COMT: variants seen among roughly 807,000 people sequenced by gnomAD.
COMT encodes the protein catechol-O-methyltransferase.
A neutral mutation model predicts 18.9 loss-of-function variants in COMT; 13 were observed. That is an observed-to-expected ratio of 0.69 (90% confidence interval 0.45 to 1.09). The LOEUF (loss-of-function observed/expected upper bound fraction) is 1.09. Ranked by LOEUF, COMT falls within the 50% of genes least tolerant of loss-of-function variation. The pLI, the probability that COMT is intolerant of heterozygous loss-of-function variation, is 0.00. For synonymous variants in COMT, 150 were observed against 160.9 expected (o/e 0.93, Z 0.51); for missense variants, 329 against 361.8 (o/e 0.91, Z 0.73).
intron 1 of COMT, among the ~76,000 whole-genome samples, chr22:19,953,786 C>T (rs1035257085): frequency 6.6e-6 from 1 of 152,214 alleles, no homozygotes; most frequent in South Asian, 2.1e-4. Context: ...AGCCAGCCTC[C>T]ACTCTTGCCC....
rs201715907 is a variant in COMT, at chr22:19,952,656, C to CAA, written c.-91-8542_-91-8541dup. 1.9e-3 allele frequency among the ~76,000 whole-genome samples: 253 copies of CAA among 132,074 alleles called. 1 individual carries two copies. The highest frequency in any genetic ancestry group is 3.4e-3 in the Admixed American group (43 of 12,748). 86.6% of individuals were successfully genotyped at this position (132,074 alleles called of 152,430 possible). A position where few individuals can be genotyped will look rare whatever the true frequency, so the allele number is the denominator to read the frequency against. ...TCCGTCTCAAAACAAAACAAAACAACAACAAAAAAAAAACAGCCGAGCGCA... is the reference window on the plus strand; with the variant it reads ...TCCGTCTCAAAACAAAACAAAACAACAAAACAAAAAAAAAACAGCCGAGCGCA... On this transcript the variant is annotated intron_variant, in intron 1 of 5. Coordinates refer to ENST00000361682, the MANE Select transcript of COMT (RefSeq NM_000754.4).
At chr22:19,945,965 G>A (rs909553042) in intron 1 of COMT, among the ~76,000 whole-genome samples, 3 of 151,746 alleles carry the variant, frequency 2.0e-5, no homozygotes, top group Non-Finnish European at 2.9e-5. Flanking sequence ...GTGCCCAGCC[G>A]GGGAAAGGTT....
intron 1 of COMT, among the ~76,000 whole-genome samples, chr22:19,959,480 C>T (rs1483005923): frequency 6.6e-6 from 1 of 152,062 alleles, no homozygotes; most frequent in East Asian, 1.9e-4. Context: ...GCCTCCCCTT[C>T]TGGGGCCTCC....
chr22:19,964,579 C>T, intron 5 of COMT: 1 of 622,920 alleles, frequency 1.6e-6, no homozygotes, highest in Non-Finnish European at 2.9e-6. Flanking sequence ...AAGTGGGGTG[C>T]ACACCCCAGA....
intron 1 of COMT, among the ~76,000 whole-genome samples, chr22:19,944,858 G>A (rs1222449092): frequency 1.3e-5 from 2 of 151,988 alleles, no homozygotes; most frequent in African/African-American, 4.8e-5. Flanking sequence ...ACCTACAAAA[G>A]ACAGTGAACT....
intron 5 of COMT, chr22:19,967,021 A>G: frequency 8.3e-7 from 1 of 1,200,112 alleles, no homozygotes; most frequent in Admixed American, 3.6e-5. Context: ...GGAGGCTTGC[A>G]GTGTCGGGCG....
At chr22:19,941,937 T>G in intron 1 of COMT, 40 bp downstream of exon 1, 1 of 935,890 alleles carries the variant, frequency 1.1e-6, no homozygotes, top group Non-Finnish European at 1.4e-6. Context: ...TGCGGCCGGA[T>G]TCGGGGCGGG....
rs192231081 is a variant in COMT at position 19,954,323 on chromosome 22, C to A, written c.-91-6876C>A. Reference sequence around the variant, plus strand: ...GCCCTCTGCCTGGCCATCTGACCTTCCATTCTGACCCCTTCCCTTCCACAC... The same window carrying A: ...GCCCTCTGCCTGGCCATCTGACCTTACATTCTGACCCCTTCCCTTCCACAC... On this transcript the variant is annotated intron_variant, in intron 1 of 5. Transcript: ENST00000361682. Among the ~76,000 whole-genome samples the A allele has an allele frequency of 5.1e-3, 771 of 152,254 alleles. 5 individuals carry two copies. Among genetic ancestry groups the A allele is most frequent in the Non-Finnish European group, 5.3e-3 (361 of 68,004 alleles).
At chr22:19,967,982 G>A (rs1188407276) in intron 5 of COMT, among the ~76,000 whole-genome samples, 1 of 152,228 alleles carries the variant, frequency 6.6e-6, no homozygotes, top group Non-Finnish European at 1.5e-5. Flanking sequence ...TGTCCTCCCA[G>A]GGCCCAGGCA....
chr22:19,942,007 A>C, intron 1 of COMT, 110 bp downstream of exon 1: 1 of 407,546 alleles, frequency 2.5e-6, no homozygotes, highest in Non-Finnish European at 4.2e-6. Flanking sequence ...ACCGCTGTGA[A>C]GTGATCTGAC....
rs748633677 is a variant in COMT, at chr22:19,968,661, CCT to C, written c.742_743del (p.Leu248GlyfsTer58). On this transcript the variant is annotated frameshift_variant, in exon 6 of 6. Transcript: ENST00000361682. LOFTEE classifies it low-confidence loss of function (END_TRUNC). ...CFECTHYQSF[L>X]EYREVVDGLE... The stretch of plus-strand genomic sequence containing the variant: ...TTGAGTGCACACACTACCAATCGTT[CCT>C]GGAATACAGGGAGGTGGTGGACGGC... The C allele has an allele frequency of 6.2e-7, 1 of 1,614,076 alleles. No individual in the cohort carries two copies. Among genetic ancestry groups the C allele is most frequent in the South Asian group, 1.1e-5 (1 of 91,082 alleles).
At chr22:19,946,174 A>C (rs1362075504) in intron 1 of COMT, among the ~76,000 whole-genome samples, 1 of 151,404 alleles carries the variant, frequency 6.6e-6, no homozygotes, top group Non-Finnish European at 1.5e-5. Context: ...CAGTGCAGTC[A>C]TGTGATCTCA....
chr22:19,964,791 A>C, intron 5 of COMT: 1 of 347,704 alleles, frequency 2.9e-6, no homozygotes, highest in South Asian at 3.0e-5. Flanking sequence ...GCCCCGAGTG[A>C]GGCTAGACAG....
chr22:19,954,332 C>T (rs1183280709), intron 1 of COMT, among the ~76,000 whole-genome samples: 1 of 152,148 alleles, frequency 6.6e-6, no homozygotes, highest in Non-Finnish European at 1.5e-5. Flanking sequence ...TCCATTCTGA[C>T]CCCTTCCCTT....
intron 1 of COMT, among the ~76,000 whole-genome samples, chr22:19,947,606 A>G (rs1321200944): frequency 6.6e-6 from 1 of 152,204 alleles, no homozygotes; most frequent in Non-Finnish European, 1.5e-5. Context: ...AGAGACCTTT[A>G]GTACTTTCAC....
chr22:19,951,385 A>G (rs1341835989), intron 1 of COMT: 2 of 136,210 alleles, frequency 1.5e-5, no homozygotes, highest in African/African-American at 5.3e-5. Context: ...AAAGCCTGGG[A>G]CTCTTAGCGC....
In COMT at chr22:19,962,773, T is replaced by C. The variant is rs148620887; in HGVS notation, c.247T>C (p.Cys83Arg). The change falls in exon 3 of 6, where the codon TGC becomes CGC. Residue 83 changes from cysteine (C) to arginine (R), a missense_variant. By Grantham distance (180) the Cys-to-Arg change is radical. Transcript: ENST00000361682. ...QSVLEAIDTY[C>R]EQKEWAMNVG... is the part of the protein sequence containing the mutation. ...CGTGCTGGAGGCCATTGACACCTAC[T>C]GCGAGCAGAAGGAGTGGGCCATGAA... 1.4e-5 allele frequency: 23 copies of C among 1,610,572 alleles called. No homozygotes were observed. The African/African-American group carries it at 2.8e-4, about 20-fold the overall frequency.
intron 1 of COMT, among the ~76,000 whole-genome samples, chr22:19,959,492 A>G (rs1009179861): frequency 2.0e-5 from 3 of 152,014 alleles, no homozygotes; most frequent in Admixed American, 6.5e-5. Context: ...GGGGCCTCCC[A>G]TCCCACACCA....
intron 5 of COMT, among the ~76,000 whole-genome samples, chr22:19,966,073 T>A (rs1942373875): frequency 6.6e-6 from 1 of 152,226 alleles, no homozygotes; most frequent in Non-Finnish European, 1.5e-5. Context: ...TGCAGTTTAG[T>A]AACTAGGAAA....
Sources: gnomAD v4.1 joint callset for allele counts (sites outside exome capture counted in the v4.1 genomes callset) on GRCh38, gnomAD v4.1.1 for gene constraint, MANE v1.5 for transcripts, NCBI Gene and HGNC (gene_info 2026-07-23, HGNC 2026-07-21) for gene names.